Variants in IPO11 observed in about 807,000 individuals in gnomAD.
IPO11 encodes importin 11.
IPO11 carries 66 observed loss-of-function variants against 143.2 expected under a neutral mutation model. That is an observed-to-expected ratio of 0.46 (90% CI 0.38 to 0.57). IPO11 has a LOEUF of 0.57. Among genes scored for constraint, IPO11 ranks in the 20% least tolerant of loss-of-function variants. The probability of loss-of-function intolerance (pLI) is 0.00; values close to 1 mark genes in which losing one functional copy is unlikely to be tolerated. For synonymous variants in IPO11, 385 were observed against 377.8 expected, an observed-to-expected ratio of 1.02 and a Z score of -0.22; for missense variants, 1,026 against 1,141.0, an observed-to-expected ratio of 0.90 and a Z score of 1.45.
chr5:62,551,364 G>A, intron 26 of IPO11, 28 bp downstream of exon 26: 1 of 1,155,608 alleles, frequency 8.7e-7, no homozygotes, highest in Non-Finnish European at 1.3e-6. Flanking sequence ...TAAATTTAAG[G>A]AAGTCTTTAT....
At chr5:62,558,346 ATTT>A (rs1743648526) in intron 26 of IPO11, among the ~76,000 whole-genome samples, 1 of 152,236 alleles carries the variant, frequency 6.6e-6, no homozygotes, top group South Asian at 2.1e-4. Context: ...ATATTTAACA[ATTT>A]TTGAAGTGTT....
intron 9 of IPO11, among the ~76,000 whole-genome samples, chr5:62,479,467 T>A (rs1234175891): frequency 6.6e-6 from 1 of 152,216 alleles, no homozygotes; most frequent in Non-Finnish European, 1.5e-5. Context: ...ATGGGATGGC[T>A]GGGTCAAATG....
At chr5:62,625,024 G>C (rs994307460) in intron 29 of IPO11, among the ~76,000 whole-genome samples, 13 of 149,626 alleles carry the variant, frequency 8.7e-5, no homozygotes, top group African/African-American at 2.0e-4. Context: ...CGGTTCAAAG[G>C]CCTCTGACAA....
intron 9 of IPO11, among the ~76,000 whole-genome samples, chr5:62,479,547 C>T (rs1460347434): frequency 4.6e-5 from 7 of 152,288 alleles, no homozygotes; most frequent in African/African-American, 1.4e-4. Flanking sequence ...AGTTTACAGT[C>T]CCACCAACAG....
chr5:62,476,024 G>A (rs542505467), intron 8 of IPO11, among the ~76,000 whole-genome samples: 3 of 152,324 alleles, frequency 2.0e-5, no homozygotes, highest in Admixed American at 2.0e-4. Flanking sequence ...GTAAAACATT[G>A]TTGAGCCTGT....
intron 29 of IPO11, among the ~76,000 whole-genome samples, chr5:62,616,719 CAAAAAAAAA>C (rs538760503): frequency 1.4e-3 from 118 of 84,434 alleles, no homozygotes; most frequent in African/African-American, 5.8e-3. Context: ...GACTCTGACT[CAAAAAAAAA>C]AAAAAAAAAA....
intron 2 of IPO11, among the ~76,000 whole-genome samples, chr5:62,439,591 C>CTT (rs772635565): frequency 2.9e-5 from 4 of 140,326 alleles, no homozygotes; most frequent in South Asian, 2.2e-4. Flanking sequence ...CTGGCCCAGT[C>CTT]TTTTTTTTTT....
intron 27 of IPO11, among the ~76,000 whole-genome samples, chr5:62,584,489 C>A (rs953597272): frequency 6.6e-6 from 1 of 151,472 alleles, no homozygotes; most frequent in Non-Finnish European, 1.5e-5. Context: ...GGCCTGTGCC[C>A]GTAGTCCTAG....
Position 62,581,087 on chromosome 5 carries a change from T to G in IPO11, c.2583-10490T>G, listed in dbSNP as rs1033033394. ...ATCATTTTTTTGATCTACAAAGTTG[T>G]TCAGTTTAAACAAAAACTAAAGGCA... On this transcript the variant is annotated intron_variant, in intron 27 of 29. Transcript: ENST00000325324. The G allele has an allele frequency of 3.7e-5, 58 of 1,549,134 alleles. No individual in the cohort carries two copies. The highest frequency in any genetic ancestry group is 5.1e-5 in the Non-Finnish European group (58 of 1,146,356).
intron 27 of IPO11, among the ~76,000 whole-genome samples, chr5:62,567,492 A>ATTT (rs1181269555): frequency 7.1e-5 from 9 of 125,978 alleles, no homozygotes; most frequent in African/African-American, 1.8e-4. Flanking sequence ...TATTATTATT[A>ATTT]TTATTTTTTT....
chr5:62,504,743 T>TG, intron 17 of IPO11, 43 bp downstream of exon 17: 1 of 1,382,720 alleles, frequency 7.2e-7, no homozygotes, highest in Middle Eastern at 2.0e-4. Context: ...GCAAAGAACT[T>TG]TAACACTTTT....
chr5:62,585,555 G>A (rs1345991006), intron 27 of IPO11, among the ~76,000 whole-genome samples: 3 of 152,098 alleles, frequency 2.0e-5, no homozygotes, highest in East Asian at 3.9e-4. Context: ...TCATATATAG[G>A]GCTGAGTAAA....
intron 19 of IPO11, among the ~76,000 whole-genome samples, chr5:62,509,010 A>G (rs1277781446): frequency 2.0e-5 from 3 of 152,230 alleles, no homozygotes; most frequent in African/African-American, 7.2e-5. Context: ...GCTGGATACA[A>G]TAGTGCTTTC....
At chr5:62,460,809 C>G (rs1192411497) in intron 5 of IPO11, among the ~76,000 whole-genome samples, 1 of 152,172 alleles carries the variant, frequency 6.6e-6, no homozygotes, top group East Asian at 1.9e-4. Flanking sequence ...CCCCCCTCCA[C>G]ATTTTTAGAA....
intron 28 of IPO11, chr5:62,601,221 A>C (rs151105200): frequency 5.2e-5 from 8 of 152,404 alleles, no homozygotes; most frequent in African/African-American, 1.9e-4. Context: ...AATAGTAAAG[A>C]GCATGGTGCA....
chr5:62,603,874 G>T (rs1247289088), intron 29 of IPO11, among the ~76,000 whole-genome samples: 9 of 152,186 alleles, frequency 5.9e-5, no homozygotes, highest in Admixed American at 5.9e-4. Context: ...ATATGATAGT[G>T]GTCCGATAAG....
chr5:62,548,786 G>C (rs1266338964), intron 24 of IPO11, among the ~76,000 whole-genome samples: 1 of 151,908 alleles, frequency 6.6e-6, no homozygotes, highest in Non-Finnish European at 1.5e-5. Flanking sequence ...TGACACCTTG[G>C]GATTCAGCTT....
At chr5:62,455,631 G>C (rs1745113335) in intron 5 of IPO11, among the ~76,000 whole-genome samples, 2 of 152,160 alleles carry the variant, frequency 1.3e-5, no homozygotes, top group Non-Finnish European at 2.9e-5. Context: ...CTCAACAATT[G>C]TTATAACCTT....
intron 16 of IPO11, among the ~76,000 whole-genome samples, chr5:62,503,489 G>A (rs1741432596): frequency 6.6e-6 from 1 of 151,222 alleles, no homozygotes; most frequent in South Asian, 2.1e-4. Flanking sequence ...CAGATTGTAA[G>A]ATCTGTATGG....
Sources: allele counts gnomAD v4.1 joint callset (sites outside exome capture counted in the v4.1 genomes callset), GRCh38; gene constraint gnomAD v4.1.1; transcripts MANE v1.5; gene names NCBI Gene and HGNC (gene_info 2026-07-23, HGNC 2026-07-21).